Variants in DIAPH1 observed in about 807,000 individuals in gnomAD.
DIAPH1 encodes the protein protein diaphanous homolog 1.
DIAPH1 carries 46 observed loss-of-function variants against 140.7 expected under a neutral mutation model. The observed-to-expected ratio is 0.33, with a 90% confidence interval of 0.26 to 0.42. DIAPH1 has a LOEUF of 0.42. Ranked by LOEUF, DIAPH1 falls within the 10% of genes least tolerant of loss-of-function variation. The probability of loss-of-function intolerance (pLI) is 1.00; values close to 1 mark genes in which losing one functional copy is unlikely to be tolerated. For missense variants in DIAPH1, 1,310 were observed against 1,558.7 expected (o/e 0.84, Z 2.69); for synonymous variants, 565 against 551.6 (o/e 1.02, Z -0.34).
At chr5:141,539,029 C>T (rs1401639318) in intron 18 of DIAPH1, among the ~76,000 whole-genome samples, 1 of 151,610 alleles carries the variant, frequency 6.6e-6, no homozygotes, top group Non-Finnish European at 1.5e-5. Flanking sequence ...AATCCCAGCA[C>T]TTAAGGAGGC....
At chr5:141,574,525 T>A (rs926074907) in intron 15 of DIAPH1, among the ~76,000 whole-genome samples, 1 of 152,324 alleles carries the variant, frequency 6.6e-6, no homozygotes, top group East Asian at 1.9e-4. Context: ...AACTAATATA[T>A]GTGCTACACA....
At chr5:141,527,443 G>T in intron 24 of DIAPH1, 130 bp downstream of exon 24, 1 of 991,766 alleles carries the variant, frequency 1.0e-6, no homozygotes, top group Non-Finnish European at 1.5e-6. Flanking sequence ...AAAAAACTAT[G>T]TATTTAAAGA....
At chr5:141,566,302 C>G (rs1323007297) in intron 18 of DIAPH1, among the ~76,000 whole-genome samples, 1 of 152,088 alleles carries the variant, frequency 6.6e-6, no homozygotes, top group Non-Finnish European at 1.5e-5. Flanking sequence ...AGGATCATGA[C>G]CTTTTCGTAT....
chr5:141,578,358 A>C lies in DIAPH1; in HGVS notation c.1045-15T>G. ...TCTCGAAGGTCCTGTCAACAACAAA[A>C]GTAGAAGTCAGGGAACCCAAAAGTA... On this transcript the variant is annotated splice_polypyrimidine_tract_variant and intron_variant, in intron 10 of 27. Transcript: ENST00000389054. 3 of 1,603,352 alleles carry C rather than the reference A, an allele frequency of 1.9e-6. No homozygotes were observed. Among genetic ancestry groups the C allele is most frequent in the Non-Finnish European group, 2.6e-6 (3 of 1,170,156 alleles).
At chr5:141,537,566 C>G (rs980992267) in intron 18 of DIAPH1, among the ~76,000 whole-genome samples, 4 of 147,800 alleles carry the variant, frequency 2.7e-5, no homozygotes, top group African/African-American at 1.0e-4. Flanking sequence ...TTCAAGACAA[C>G]CCAAGGAAGA....
intron 1 of DIAPH1, among the ~76,000 whole-genome samples, chr5:141,601,050 G>A (rs560014549): frequency 1.3e-5 from 2 of 151,974 alleles, no homozygotes; most frequent in Admixed American, 1.3e-4. Flanking sequence ...ACACAAGGTG[G>A]GCAACATCAC....
At chr5:141,574,937 GTCA>G in intron 15 of DIAPH1, 27 bp downstream of exon 15, 8 of 1,613,650 alleles carry the variant, frequency 5.0e-6, no homozygotes, top group Non-Finnish European at 6.8e-6. Context: ...GAGGTTACAG[GTCA>G]TTCTGCCTTC....
chr5:141,517,144 A>T, intron 27 of DIAPH1, 136 bp from the exon 28 acceptor site: 1 of 917,718 alleles, frequency 1.1e-6, no homozygotes, highest in Non-Finnish European at 1.7e-6. Context: ...TACTTTGAAG[A>T]AAGGGGCAGA....
intron 18 of DIAPH1, among the ~76,000 whole-genome samples, chr5:141,570,349 C>A (rs1468837616): frequency 6.6e-6 from 1 of 152,096 alleles, no homozygotes; most frequent in Non-Finnish European, 1.5e-5. Flanking sequence ...ATGTGGTTAC[C>A]ATCCCAGTAT....
intron 1 of DIAPH1, among the ~76,000 whole-genome samples, chr5:141,594,165 A>G (rs1419271540): frequency 2.0e-5 from 3 of 152,180 alleles, no homozygotes; most frequent in Non-Finnish European, 2.9e-5. Context: ...AGAGTTTCAC[A>G]GTTTCTTATA....
chr5:141,534,384 T>A lies in DIAPH1; in HGVS notation c.2532A>T (p.Lys844Asn), dbSNP rs1231121355. The change falls in exon 19 of 28, where the codon AAA becomes AAT. Residue 844 changes from lysine to asparagine, a missense_variant. By Grantham distance (94) the Lys-to-Asn change is moderately conservative (BLOSUM62 0). Around this residue, in one of 3 missense-constraint regions of DIAPH1, gnomAD observed 589 missense variants for 549.3 expected, o/e 1.07. Transcript: ENST00000389054. ...CCAACACCTTTAACTCTTTTACTTTTTTCTTTTGCACAGATTTCTTTTCTT... is the reference window on the plus strand; with the variant it reads ...CCAACACCTTTAACTCTTTTACTTTATTCTTTTGCACAGATTTCTTTTCTT... ...GGEEKKSVQK[K>N]KVKELKVLDS... 1 of 1,613,974 alleles carries A rather than the reference T, an allele frequency of 6.2e-7. No individual in the cohort carries two copies. Among genetic ancestry groups the A allele is most frequent in the African/African-American group, 1.3e-5 (1 of 75,058 alleles).
At chr5:141,577,801 G>A (rs1298529940) in intron 11 of DIAPH1, among the ~76,000 whole-genome samples, 1 of 152,184 alleles carries the variant, frequency 6.6e-6, no homozygotes, top group Non-Finnish European at 1.5e-5. Flanking sequence ...TACACACAGA[G>A]GATTCCTAGT....
chr5:141,558,788 G>C (rs185579515), intron 18 of DIAPH1, among the ~76,000 whole-genome samples: 1 of 152,224 alleles, frequency 6.6e-6, no homozygotes, highest in Admixed American at 6.5e-5. Context: ...GGAAAAACTT[G>C]TGGGTACAAG....
chr5:141,572,651 T>C (rs2099895356), intron 16 of DIAPH1, among the ~76,000 whole-genome samples: 1 of 151,818 alleles, frequency 6.6e-6, no homozygotes, highest in Non-Finnish European at 1.5e-5. Flanking sequence ...AATACAAAAA[T>C]TAGCCAGGCA....
intron 3 of DIAPH1, among the ~76,000 whole-genome samples, chr5:141,584,977 C>T (rs572657646): frequency 7.2e-4 from 108 of 150,440 alleles, no homozygotes; most frequent in South Asian, 5.0e-3. Context: ...TTTTTTGAGA[C>T]GGAGTCTCAC....
intron 18 of DIAPH1, among the ~76,000 whole-genome samples, chr5:141,547,293 A>G (rs772698046): frequency 4.6e-5 from 7 of 152,052 alleles, no homozygotes; most frequent in Admixed American, 2.6e-4. Flanking sequence ...GTGAAACCCC[A>G]TCTCTACTTA....
At chr5:141,536,988 A>AGT (rs1157269599) in intron 18 of DIAPH1, among the ~76,000 whole-genome samples, 2 of 151,868 alleles carry the variant, frequency 1.3e-5, no homozygotes, top group Non-Finnish European at 2.9e-5. Flanking sequence ...TGGGCAACAT[A>AGT]GTGAGACCCT....
chr5:141,616,602 T>C (rs916096037), intron 1 of DIAPH1, among the ~76,000 whole-genome samples: 2 of 152,162 alleles, frequency 1.3e-5, no homozygotes, highest in Non-Finnish European at 2.9e-5. Flanking sequence ...CATCTCTCAT[T>C]TCCACAGAGT....
At chr5:141,527,886 A>G (rs538382942) in intron 23 of DIAPH1, among the ~76,000 whole-genome samples, 189 bp from the exon 24 acceptor site, 3 of 152,124 alleles carry the variant, frequency 2.0e-5, no homozygotes, top group Non-Finnish European at 4.4e-5. Flanking sequence ...TCATCTTTCC[A>G]GTGAAACTAT....
Sources: gnomAD v4.1 joint callset for allele counts (sites outside exome capture counted in the v4.1 genomes callset) on GRCh38, gnomAD v4.1.1 for gene constraint, gnomAD v4.1.1 regional missense constraint, MANE v1.5 for transcripts, NCBI Gene and HGNC (gene_info 2026-07-23, HGNC 2026-07-21) for gene names.